NLGN1: variants seen among roughly 807,000 people sequenced by gnomAD.
NLGN1 encodes neuroligin-1.
A neutral mutation model predicts 65.5 loss-of-function variants in NLGN1; 12 were observed. The observed-to-expected ratio is 0.18, with a 90% CI of 0.12 to 0.30. The LOEUF is 0.30. Ranked by LOEUF, NLGN1 falls within the 10% of genes least tolerant of loss-of-function variation. The probability of loss-of-function intolerance (pLI) is 1.00; values close to 1 mark genes in which losing one functional copy is unlikely to be tolerated. For synonymous variants in NLGN1, 350 were observed against 359.5 expected, an observed-to-expected ratio of 0.97 and a Z score of 0.30; for missense variants, 750 against 1,007.1, an observed-to-expected ratio of 0.74 and a Z score of 3.46.
chr3:173,934,919 T>C (rs1004710619), intron 4 of NLGN1, among the ~76,000 whole-genome samples: 1 of 152,078 alleles, frequency 6.6e-6, no homozygotes, highest in Non-Finnish European at 1.5e-5. Flanking sequence ...TAAAAGAGTC[T>C]CTATCCTAGT....
intron 2 of NLGN1, among the ~76,000 whole-genome samples, chr3:173,566,912 G>A (rs1321378851): frequency 6.6e-6 from 1 of 152,016 alleles, no homozygotes; most frequent in Non-Finnish European, 1.5e-5. Flanking sequence ...CTTTAGAAAG[G>A]GAGATTTATC....
chr3:173,517,473 C>G (rs1340753184), intron 2 of NLGN1, among the ~76,000 whole-genome samples: 1 of 152,054 alleles, frequency 6.6e-6, no homozygotes, highest in Non-Finnish European at 1.5e-5. Flanking sequence ...GTACCCACTA[C>G]TCATTGATAA....
chr3:173,896,088 T>A (rs1389652167), intron 4 of NLGN1, among the ~76,000 whole-genome samples: 3 of 152,198 alleles, frequency 2.0e-5, no homozygotes, highest in Non-Finnish European at 1.5e-5. Context: ...TCCTTTTACC[T>A]CTTGGTAAGT....
chr3:174,292,233 T>C, the NLGN1 span, among the ~76,000 whole-genome samples: 31 of 151,252 alleles, frequency 2.0e-4, no homozygotes, highest in African/African-American at 7.3e-4. Context: ...CTAGTAGCAA[T>C]GAGCATCCTT....
At chr3:173,418,258 C>T (rs1019778113) in intron 1 of NLGN1, among the ~76,000 whole-genome samples, 1 of 151,206 alleles carries the variant, frequency 6.6e-6, no homozygotes, top group African/African-American at 2.4e-5. Flanking sequence ...TTATTGTATA[C>T]TATAATTTAA....
At chr3:174,076,004 A>G (rs1740830772) in intron 4 of NLGN1, among the ~76,000 whole-genome samples, 1 of 152,138 alleles carries the variant, frequency 6.6e-6, no homozygotes, top group Non-Finnish European at 1.5e-5. Flanking sequence ...TATTTTACAT[A>G]TGTCTGCCTA....
intron 4 of NLGN1, among the ~76,000 whole-genome samples, chr3:174,014,670 T>C (rs1489598020): frequency 1.3e-5 from 2 of 152,206 alleles, no homozygotes; most frequent in Non-Finnish European, 2.9e-5. Flanking sequence ...TCATAAAATA[T>C]AGACATTTTG....
At chr3:173,682,582 C>A (rs1316048490) in intron 3 of NLGN1, among the ~76,000 whole-genome samples, 1 of 101,664 alleles carries the variant, frequency 9.8e-6, no homozygotes, top group East Asian at 3.3e-4. Context: ...GAGTGAGACA[C>A]TGTCTCAAAA....
chr3:174,092,369 G>A (rs1374214657), intron 4 of NLGN1, among the ~76,000 whole-genome samples: 3 of 152,126 alleles, frequency 2.0e-5, no homozygotes, highest in Non-Finnish European at 2.9e-5. Flanking sequence ...ATAAGATTGG[G>A]AGTCATTTTA....
At chr3:173,735,641 G>A (rs968161297) in intron 3 of NLGN1, among the ~76,000 whole-genome samples, 3 of 151,858 alleles carry the variant, frequency 2.0e-5, no homozygotes, top group Non-Finnish European at 2.9e-5. Flanking sequence ...AGTTTGGAGA[G>A]GAGCAGAGTC....
At chr3:173,541,354 AG>A in intron 2 of NLGN1, among the ~76,000 whole-genome samples, 1 of 152,252 alleles carries the variant, frequency 6.6e-6, no homozygotes, top group East Asian at 1.9e-4. Flanking sequence ...TAGATTTGAA[AG>A]TTTGGAACTA....
intron 4 of NLGN1, among the ~76,000 whole-genome samples, chr3:174,069,302 T>C (rs1188910385): frequency 6.6e-6 from 1 of 152,164 alleles, no homozygotes; most frequent in Non-Finnish European, 1.5e-5. Flanking sequence ...ATAAAAAGTT[T>C]TTCCTGTAGT....
chr3:173,826,983 A>G (rs1721461974), intron 4 of NLGN1, among the ~76,000 whole-genome samples: 1 of 152,080 alleles, frequency 6.6e-6, no homozygotes, highest in East Asian at 1.9e-4. Flanking sequence ...TACTGTGAAG[A>G]AAATAAAACA....
At chr3:173,499,927 A>T (rs1002151193) in intron 2 of NLGN1, among the ~76,000 whole-genome samples, 23 of 151,794 alleles carry the variant, frequency 1.5e-4, no homozygotes, top group Non-Finnish European at 1.5e-5. Flanking sequence ...CTTTGCTGAA[A>T]TTGCCTATCA....
intron 4 of NLGN1, among the ~76,000 whole-genome samples, chr3:173,899,695 T>G (rs1458605429): frequency 6.6e-6 from 1 of 152,150 alleles, no homozygotes; most frequent in Non-Finnish European, 1.5e-5. Flanking sequence ...ACGTGTCATC[T>G]ATGCTGCCTT....
chr3:173,602,813 C>G, intron 2 of NLGN1, among the ~76,000 whole-genome samples: 1 of 152,024 alleles, frequency 6.6e-6, no homozygotes, highest in South Asian at 2.1e-4. Flanking sequence ...GCAGAAGAGT[C>G]AGCATTATAT....
chr3:174,001,285 A>G (rs1468569591), intron 4 of NLGN1, among the ~76,000 whole-genome samples: 1 of 152,068 alleles, frequency 6.6e-6, no homozygotes, highest in Admixed American at 6.6e-5. Context: ...GGTCAGCGAG[A>G]GGGAGATTAA....
At chr3:173,409,365 A>C (rs938326410) in intron 1 of NLGN1, among the ~76,000 whole-genome samples, 1 of 152,204 alleles carries the variant, frequency 6.6e-6, no homozygotes, top group African/African-American at 2.4e-5. Context: ...GAGAAGAAAC[A>C]ATCACTTTTC....
At position 174,183,975 on chromosome 3, in the gene NLGN1, C is replaced by T. The variant is rs181617136; in HGVS notation, c.647-91340C>T. On this transcript the variant is annotated intron_variant, in intron 4 of 6. Coordinates refer to ENST00000457714, the Ensembl canonical transcript of NLGN1. ...TATTATTTTTCAGTTGAAAGCAAAACTCAACCATGAATTTCAGGGAGCAAT... is the reference window on the plus strand; with the variant it reads ...TATTATTTTTCAGTTGAAAGCAAAATTCAACCATGAATTTCAGGGAGCAAT... 8.1e-4 allele frequency among the ~76,000 whole-genome samples: 124 copies of T among 152,180 alleles called. 1 individual carries two copies. The East Asian group carries it at 0.019, about 23-fold the overall frequency.
Sources: gnomAD v4.1 joint callset for allele counts (sites outside exome capture counted in the v4.1 genomes callset) on GRCh38, gnomAD v4.1.1 for gene constraint, MANE v1.5 for transcripts, NCBI Gene and HGNC (gene_info 2026-07-23, HGNC 2026-07-21) for gene names.